NLGN1: variants seen among roughly 807,000 people sequenced by gnomAD.
NLGN1 encodes neuroligin 1.
Under a neutral mutation model 65.5 loss-of-function variants are expected in NLGN1, and 12 were observed. The ratio of observed to expected loss-of-function variants is 0.18; its 90% CI spans 0.12 to 0.30. NLGN1 has a LOEUF of 0.30. Among genes scored for constraint, NLGN1 ranks in the 10% least tolerant of loss-of-function variants. The pLI, the probability that NLGN1 is intolerant of heterozygous loss-of-function variation, is 1.00. For synonymous variants in NLGN1, 350 were observed against 359.5 expected (o/e 0.97, Z 0.30); for missense variants, 750 against 1,007.1 (o/e 0.74, Z 3.46).
chr3:174,279,703 T>A lies in NLGN1; in HGVS notation c.1649+53T>A. ...TTTAATAAAAATGTTATTTTAACCA[T>A]TTTAAAATAATAGATATTTATGCCC... On this transcript the variant is annotated intron_variant, in intron 6 of 6. Transcript: ENST00000457714. This position sits in a 1 kb window ranked among gnomAD's most constrained non-coding sequence, Gnocchi z 4.7. The A allele has an allele frequency of 1.8e-6, 2 of 1,094,974 alleles. No individual in the cohort carries two copies. The highest frequency in any genetic ancestry group is 1.3e-6 in the Non-Finnish European group (1 of 761,800). The allele number at this position is 1,094,974 out of a possible 1,614,324, so 67.8% of individuals were successfully genotyped here. A position where few individuals can be genotyped will look rare whatever the true frequency, so the allele number is the denominator to read the frequency against.
intron 4 of NLGN1, among the ~76,000 whole-genome samples, chr3:173,964,694 T>C (rs892426317): frequency 5.3e-5 from 8 of 152,332 alleles, no homozygotes; most frequent in South Asian, 2.1e-4. Flanking sequence ...TTTTTAATAA[T>C]GGTTCTTCCA....
intron 4 of NLGN1, among the ~76,000 whole-genome samples, chr3:173,907,078 A>G (rs1231164855): frequency 6.6e-6 from 1 of 152,086 alleles, no homozygotes; most frequent in Non-Finnish European, 1.5e-5. Flanking sequence ...TCATTTTAAA[A>G]CTTAAAGAAG....
At chr3:173,995,561 G>C (rs962110932) in intron 4 of NLGN1, among the ~76,000 whole-genome samples, 2 of 151,630 alleles carry the variant, frequency 1.3e-5, no homozygotes, top group Admixed American at 6.6e-5. Context: ...TCTGCCCTGA[G>C]TGAAGAGGGA....
At chr3:173,932,532 A>G (rs1744289867) in intron 4 of NLGN1, among the ~76,000 whole-genome samples, 1 of 151,538 alleles carries the variant, frequency 6.6e-6, no homozygotes, top group African/African-American at 2.4e-5. Flanking sequence ...GTGTGGTAGG[A>G]TTTGTCTGCA....
intron 4 of NLGN1, among the ~76,000 whole-genome samples, chr3:174,176,644 A>G (rs1194383696): frequency 6.6e-6 from 1 of 152,070 alleles, no homozygotes; most frequent in Non-Finnish European, 1.5e-5. Context: ...AATGCAGAAC[A>G]GTGAATGAAC....
rs1312743956 is a variant in NLGN1, at chr3:173,888,770, T to G, written c.646+80938T>G. ...ATGTATTTACATTTTTTTTGAGTGT[T>G]GAAGAAGACATTAAGATGTTTAGGA... On this transcript the variant is annotated intron_variant, in intron 4 of 6. Coordinates refer to ENST00000457714, the Ensembl canonical transcript of NLGN1. Among the ~76,000 whole-genome samples, 3 of 152,112 alleles carry G rather than the reference T, an allele frequency of 2.0e-5. 1 individual carries two copies. Among genetic ancestry groups the G allele is most frequent in the African/African-American group, 7.2e-5 (3 of 41,430 alleles).
intron 2 of NLGN1, among the ~76,000 whole-genome samples, chr3:173,484,341 T>G (rs1175488369): frequency 6.6e-6 from 1 of 152,142 alleles, no homozygotes; most frequent in African/African-American, 2.4e-5. Flanking sequence ...AAAAAATATC[T>G]TTTTGATCAT....
intron 4 of NLGN1, among the ~76,000 whole-genome samples, chr3:174,171,142 G>A (rs13317150): frequency 0.17 from 25,906 of 152,022 alleles, 4,575 homozygotes; most frequent in African/African-American, 0.45. Flanking sequence ...AATGTACAGT[G>A]ATGTTATGTT....
At chr3:173,663,702 A>G (rs1216687648) in intron 3 of NLGN1, among the ~76,000 whole-genome samples, 2 of 152,004 alleles carry the variant, frequency 1.3e-5, no homozygotes, top group Non-Finnish European at 2.9e-5. Context: ...ACAGTTTTCA[A>G]CATGCTTTAT....
At chr3:173,893,078 T>C (rs1028016809) in intron 4 of NLGN1, among the ~76,000 whole-genome samples, 2 of 152,154 alleles carry the variant, frequency 1.3e-5, no homozygotes, top group Non-Finnish European at 2.9e-5. Context: ...CACACTTTTG[T>C]GAGAAATCAG....
intron 4 of NLGN1, among the ~76,000 whole-genome samples, chr3:174,068,381 T>TAG (rs1739117078): frequency 6.6e-6 from 1 of 152,060 alleles, no homozygotes; most frequent in African/African-American, 2.4e-5. Context: ...AAATCAATAG[T>TAG]AGAGCCCCAG....
chr3:173,765,167 A>C (rs984240170), intron 3 of NLGN1, among the ~76,000 whole-genome samples: 4 of 151,988 alleles, frequency 2.6e-5, no homozygotes, highest in African/African-American at 9.7e-5. Context: ...TCTTGCTCAC[A>C]GAAGTATTTC....
chr3:173,784,722 G>GATC (rs1781684927), intron 3 of NLGN1, among the ~76,000 whole-genome samples: 2 of 150,992 alleles, frequency 1.3e-5, no homozygotes, highest in African/African-American at 4.9e-5. Flanking sequence ...CACACAGAGG[G>GATC]ATCACATGGT....
chr3:174,137,654 A>G (rs1485186935), intron 4 of NLGN1, among the ~76,000 whole-genome samples: 1 of 152,216 alleles, frequency 6.6e-6, no homozygotes, highest in Non-Finnish European at 1.5e-5. Flanking sequence ...ATGCCTGAGG[A>G]TAAGAAAAGA....
At chr3:173,962,297 T>C (rs1355354229) in intron 4 of NLGN1, among the ~76,000 whole-genome samples, 1 of 152,134 alleles carries the variant, frequency 6.6e-6, no homozygotes, top group African/African-American at 2.4e-5. Context: ...AAAGTCATAT[T>C]AGGAAGAGGT....
intron 3 of NLGN1, among the ~76,000 whole-genome samples, chr3:173,652,599 TCTATTTGTCTGTTTGTATACCAGTA>T (rs1759379232): frequency 6.6e-6 from 1 of 152,172 alleles, no homozygotes; most frequent in Non-Finnish European, 1.5e-5. Context: ...GTTCCGTTGA[TCTATTTGTCTGTTTGTATACCAGTA>T]CTATGCTGTT....
At chr3:173,790,544 G>A (rs751828550) in intron 3 of NLGN1, among the ~76,000 whole-genome samples, 1 of 152,046 alleles carries the variant, frequency 6.6e-6, no homozygotes, top group Non-Finnish European at 1.5e-5. Context: ...TCTGATTTAC[G>A]TTTAAAGAAA....
chr3:174,207,555 A>G (rs558421937), intron 4 of NLGN1, among the ~76,000 whole-genome samples: 36 of 152,324 alleles, frequency 2.4e-4, no homozygotes, highest in Admixed American at 2.4e-3. Context: ...GGACTTTATG[A>G]TAGTCAAAAT....
intron 4 of NLGN1, among the ~76,000 whole-genome samples, chr3:174,047,319 C>A (rs1350307356): frequency 2.6e-5 from 4 of 151,838 alleles, no homozygotes; most frequent in East Asian, 1.9e-4. Context: ...GTACAGTAAA[C>A]CCTAGGATTA....
Sources: allele counts gnomAD v4.1 joint callset (sites outside exome capture counted in the v4.1 genomes callset), GRCh38; gene constraint gnomAD v4.1.1; non-coding constraint Gnocchi (gnomAD v3.1); transcripts MANE v1.5; gene names NCBI Gene and HGNC (gene_info 2026-07-23, HGNC 2026-07-21).